Variants in CADM2 observed in about 807,000 individuals in gnomAD.
CADM2 encodes the protein cell adhesion molecule 2, also known as immunoglobulin superfamily member 4D.
CADM2 carries 12 observed loss-of-function variants against 49.8 expected under a neutral mutation model. The observed-to-expected ratio is 0.24, with a 90% CI of 0.15 to 0.39. The LOEUF (loss-of-function observed/expected upper bound fraction) is 0.39, where lower values mean the gene tolerates loss of function less well. Ranked by LOEUF, CADM2 falls within the 10% of genes least tolerant of loss-of-function variation. The pLI, the probability that CADM2 is intolerant of heterozygous loss-of-function variation, is 1.00. For missense variants in CADM2, 378 were observed against 492.3 expected (o/e 0.77, Z 2.20); for synonymous variants, 214 against 175.4 (o/e 1.22, Z -1.74).
At chr3:85,942,807 G>T (rs1247396301) in intron 7 of CADM2, among the ~76,000 whole-genome samples, 1 of 152,036 alleles carries the variant, frequency 6.6e-6, no homozygotes, top group Non-Finnish European at 1.5e-5. Context: ...GTGTGCATGT[G>T]TCTTTATAGC....
At chr3:85,143,090 A>C (rs180734613) in intron 1 of CADM2, among the ~76,000 whole-genome samples, 109 of 152,330 alleles carry the variant, frequency 7.2e-4, no homozygotes, top group Non-Finnish European at 1.4e-3. Flanking sequence ...AAGTATACAA[A>C]CAGGCAAGAG....
intron 3 of CADM2, among the ~76,000 whole-genome samples, chr3:85,813,001 A>G (rs1452025986): frequency 6.6e-6 from 1 of 152,202 alleles, no homozygotes; most frequent in Non-Finnish European, 1.5e-5. Flanking sequence ...ATAGTGCTGC[A>G]ATAAACATAT....
intron 8 of CADM2, among the ~76,000 whole-genome samples, chr3:85,998,158 G>T (rs1325047803): frequency 6.6e-6 from 1 of 152,050 alleles, no homozygotes; most frequent in East Asian, 1.9e-4. Flanking sequence ...AGCAGGGTTG[G>T]GGGTAAGAGT....
At chr3:85,536,493 A>T (rs939926415) in intron 1 of CADM2, among the ~76,000 whole-genome samples, 19 of 151,896 alleles carry the variant, frequency 1.3e-4, no homozygotes, top group African/African-American at 4.6e-4. Context: ...TAAATAAAAA[A>T]TGACATTTAT....
intron 5 of CADM2, among the ~76,000 whole-genome samples, chr3:85,890,242 A>G (rs997052117): frequency 6.6e-6 from 1 of 152,128 alleles, no homozygotes; most frequent in African/African-American, 2.4e-5. Context: ...AAGTGGTTAC[A>G]TTCTTGTGAG....
chr3:86,023,605 G>A (rs779175417), intron 8 of CADM2, among the ~76,000 whole-genome samples: 3 of 151,962 alleles, frequency 2.0e-5, no homozygotes, highest in African/African-American at 4.8e-5. Flanking sequence ...TGATCTGCCC[G>A]CCTCGGCCTC....
Position 85,655,160 on chromosome 3 carries a change from AT to A in CADM2, c.62-71348del, listed in dbSNP as rs11401179. ...TGAGAAACAGGAATCCACCTTGGTAATTTTTTTTTTTTTTGACACAGTCTCA... is the reference window on the plus strand; with the variant it reads ...TGAGAAACAGGAATCCACCTTGGTAATTTTTTTTTTTTTGACACAGTCTCA... On this transcript the variant is annotated intron_variant, in intron 1 of 9. Coordinates refer to ENST00000383699, the MANE Select transcript of CADM2 (RefSeq NM_001167675.2). Among the ~76,000 whole-genome samples, 318 of 146,954 alleles carry A rather than the reference AT, an allele frequency of 2.2e-3. 2 individuals carry two copies. The East Asian group carries it at 0.03, about 14-fold the overall frequency.
chr3:85,410,883 G>A (rs1034325058), intron 1 of CADM2, among the ~76,000 whole-genome samples: 1 of 152,186 alleles, frequency 6.6e-6, no homozygotes, highest in Non-Finnish European at 1.5e-5. Flanking sequence ...TGGATGGACA[G>A]CCTCAAACAA....
At chr3:85,624,298 AG>A (rs1482161345) in intron 1 of CADM2, among the ~76,000 whole-genome samples, 1 of 152,072 alleles carries the variant, frequency 6.6e-6, no homozygotes, top group Non-Finnish European at 1.5e-5. Flanking sequence ...TGGTACATAA[AG>A]TTTTGGCTCC....
At chr3:85,499,045 T>C (rs2040014230) in intron 1 of CADM2, among the ~76,000 whole-genome samples, 1 of 152,178 alleles carries the variant, frequency 6.6e-6, no homozygotes, top group South Asian at 2.1e-4. Flanking sequence ...AAATGTTGTT[T>C]CAATAGCAAT....
intron 1 of CADM2, among the ~76,000 whole-genome samples, chr3:85,371,469 G>T (rs192337283): frequency 6.6e-6 from 1 of 151,824 alleles, no homozygotes; most frequent in Admixed American, 6.6e-5. Context: ...AAAGTAATAG[G>T]TTACACCATA....
chr3:85,107,566 C>G (rs1264412138), intron 1 of CADM2, among the ~76,000 whole-genome samples: 1 of 123,640 alleles, frequency 8.1e-6, no homozygotes, highest in South Asian at 2.5e-4. Context: ...TCTTTCTTCT[C>G]TCTTTCTCTC....
At position 85,906,280 on chromosome 3, in the gene CADM2, T is replaced by C. The variant is rs559377863; in HGVS notation, c.530-6093T>C. ...TCAGGTAATATATGTACCTGGTTCT[T>C]GTAGCACCTCTCAATGTAGATCTGC... is the stretch of plus-strand genomic sequence containing the variant. On this transcript the variant is annotated intron_variant, in intron 5 of 9. Coordinates refer to ENST00000383699, the MANE Select transcript of CADM2 (RefSeq NM_001167675.2). Among the ~76,000 whole-genome samples, 3 of 152,260 alleles carry C rather than the reference T, an allele frequency of 2.0e-5. No homozygotes were observed. The South Asian group carries it at 6.2e-4, about 32-fold the overall frequency.
chr3:85,224,213 C>T (rs992573597), intron 1 of CADM2, among the ~76,000 whole-genome samples: 17 of 152,124 alleles, frequency 1.1e-4, no homozygotes, highest in Admixed American at 1.0e-3. Context: ...AATTTACATG[C>T]CCGCCAACAA....
At chr3:85,943,056 A>G (rs367552217) in intron 7 of CADM2, among the ~76,000 whole-genome samples, 1 of 151,984 alleles carries the variant, frequency 6.6e-6, no homozygotes, top group Non-Finnish European at 1.5e-5. Flanking sequence ...ATCTCATTGT[A>G]GTTTTGATTT....
At chr3:85,338,160 A>T (rs9309973) in intron 1 of CADM2, among the ~76,000 whole-genome samples, 58,869 of 151,310 alleles carry the variant, frequency 0.39, 11,610 homozygotes, top group Admixed American at 0.52. Flanking sequence ...TGCATAGAAG[A>T]TGTGTGTGCC....
At chr3:86,037,602 A>G (rs1291630661) in intron 8 of CADM2, among the ~76,000 whole-genome samples, 1 of 152,174 alleles carries the variant, frequency 6.6e-6, no homozygotes. Context: ...ATAACATATG[A>G]GCACACCTGA....
intron 1 of CADM2, among the ~76,000 whole-genome samples, chr3:85,687,773 GT>G (rs767131653): frequency 3.3e-5 from 5 of 152,296 alleles, no homozygotes; most frequent in Non-Finnish European, 7.3e-5. Flanking sequence ...TCCAGAGATA[GT>G]TTTTTCTAGA....
chr3:85,088,431 C>A (rs185633118), intron 1 of CADM2, among the ~76,000 whole-genome samples: 262 of 152,156 alleles, frequency 1.7e-3, no homozygotes, highest in African/African-American at 5.9e-3. Context: ...TAAAAGTATG[C>A]AACTCTTTTA....
Sources: gnomAD v4.1 joint callset for allele counts (sites outside exome capture counted in the v4.1 genomes callset) on GRCh38, gnomAD v4.1.1 for gene constraint, MANE v1.5 for transcripts, NCBI Gene and HGNC (gene_info 2026-07-23, HGNC 2026-07-21) for gene names.